The following IQSEC1 variants were observed in gnomAD, a reference collection of about 807,000 sequenced individuals.
IQSEC1 encodes IQ motif and Sec7 domain ArfGEF 1.
IQSEC1 carries 31 observed loss-of-function variants against 91.0 expected under a neutral mutation model. The ratio of observed to expected loss-of-function variants is 0.34; its 90% CI spans 0.26 to 0.46. The LOEUF (loss-of-function observed/expected upper bound fraction) is 0.46, where lower values mean the gene tolerates loss of function less well. IQSEC1 is among the 20% of genes least tolerant of loss of function. The pLI is 1.00. For missense variants in IQSEC1, 1,388 were observed against 1,575.6 expected (o/e 0.88, Z 2.02); for synonymous variants, 699 against 662.6 (o/e 1.05, Z -0.84).
At chr3:13,015,583 C>T (rs1703085842) in intron 1 of IQSEC1, 1 of 985,244 alleles carries the variant, frequency 1.0e-6, no homozygotes, top group South Asian at 4.7e-5. Context: ...CTCACAGTCT[C>T]AAAGTGGAGG....
chr3:13,081,681 T>A (rs1705649189), intron 2 of IQSEC1, among the ~76,000 whole-genome samples: 1 of 152,340 alleles, frequency 6.6e-6, no homozygotes, highest in Non-Finnish European at 1.5e-5. Context: ...AAAACACCAA[T>A]GAACTAATTC....
chr3:13,099,794 C>T (rs1335088356), intron 2 of IQSEC1, among the ~76,000 whole-genome samples: 2 of 152,248 alleles, frequency 1.3e-5, no homozygotes, highest in Non-Finnish European at 2.9e-5. Flanking sequence ...CCCAGCTCCT[C>T]TCTCTGTGAA....
intron 1 of IQSEC1, among the ~76,000 whole-genome samples, chr3:13,232,171 G>A (rs941813731): frequency 6.6e-6 from 1 of 152,206 alleles, no homozygotes; most frequent in Non-Finnish European, 1.5e-5. Context: ...ACGACAAAGG[G>A]AGTTGCGAAG....
At chr3:13,274,326 A>C (rs1695639683) in intron 1 of IQSEC1, among the ~76,000 whole-genome samples, 1 of 152,126 alleles carries the variant, frequency 6.6e-6, no homozygotes, top group African/African-American at 2.4e-5. Flanking sequence ...CAGGGCCAGC[A>C]CTCCACAGGC....
chr3:13,275,049 G>A (rs1695651846), intron 1 of IQSEC1, among the ~76,000 whole-genome samples: 1 of 152,232 alleles, frequency 6.6e-6, no homozygotes, highest in Non-Finnish European at 1.5e-5. Context: ...GAATCCCGCC[G>A]CTGCCACTGG....
chr3:12,962,141 T>C (rs545895636), intron 1 of IQSEC1, among the ~76,000 whole-genome samples: 1 of 152,310 alleles, frequency 6.6e-6, no homozygotes, highest in Admixed American at 6.5e-5. Context: ...TCAGGGCCAG[T>C]TCTGGACAGG....
chr3:13,136,715 G>T (rs989491263), intron 2 of IQSEC1, among the ~76,000 whole-genome samples: 1 of 152,242 alleles, frequency 6.6e-6, no homozygotes, highest in Admixed American at 6.5e-5. Context: ...ATCTTAAAGA[G>T]ATGTGGGTGA....
intron 1 of IQSEC1, among the ~76,000 whole-genome samples, chr3:13,195,808 C>T (rs1279472295): frequency 6.6e-6 from 1 of 152,140 alleles, no homozygotes. Context: ...CCTAAATATA[C>T]CCACAAATGA....
In IQSEC1 at chr3:12,990,720, G is replaced by A. The variant is rs1010885508; in HGVS notation, c.24-48855C>T. On this transcript the variant is annotated intron_variant, in intron 1 of 13. Coordinates refer to ENST00000613206, the MANE Select transcript of IQSEC1 (RefSeq NM_001134382.3). ...AAACTGCTGGGGCTCTGGGGCAACC[G>A]AGCAACGCTGAAAGGACAATCAATG... 5.9e-5 allele frequency among the ~76,000 whole-genome samples: 9 copies of A among 152,284 alleles called. No homozygotes were observed. In the South Asian group the frequency reaches 1.2e-3, roughly 21 times the overall value.
chr3:12,943,046 T>C (rs898972422), intron 1 of IQSEC1, among the ~76,000 whole-genome samples: 2 of 152,244 alleles, frequency 1.3e-5, no homozygotes, highest in African/African-American at 2.4e-5. Context: ...CATACATTGC[T>C]GTATATACAT....
chr3:13,223,611 C>T (rs1250893743), intron 1 of IQSEC1, among the ~76,000 whole-genome samples: 4 of 152,220 alleles, frequency 2.6e-5, no homozygotes, highest in African/African-American at 4.8e-5. Context: ...TCCTCGCGCG[C>T]CCACCTTCCC....
intron 1 of IQSEC1, among the ~76,000 whole-genome samples, chr3:13,037,310 C>T (rs934689830): frequency 2.6e-5 from 4 of 152,092 alleles, no homozygotes; most frequent in African/African-American, 7.2e-5. Flanking sequence ...CATAAATGCC[C>T]GCAGCCAAGC....
intron 1 of IQSEC1, among the ~76,000 whole-genome samples, chr3:13,190,199 G>A (rs1693998262): frequency 6.6e-6 from 1 of 152,144 alleles, no homozygotes; most frequent in African/African-American, 2.4e-5. Flanking sequence ...CCTGCAGGAA[G>A]GAACCCCAAG....
intron 12 of IQSEC1, among the ~76,000 whole-genome samples, chr3:12,906,720 G>A (rs1018817369): frequency 6.6e-6 from 1 of 152,252 alleles, no homozygotes; most frequent in Non-Finnish European, 1.5e-5. Context: ...CCAAGCTCTG[G>A]CAGAGGGTGG....
chr3:13,090,397 T>C (rs1057075089), intron 2 of IQSEC1, among the ~76,000 whole-genome samples: 2 of 152,140 alleles, frequency 1.3e-5, no homozygotes, highest in African/African-American at 4.8e-5. Flanking sequence ...GTGAAATGAG[T>C]GACTGAATGA....
intron 1 of IQSEC1, among the ~76,000 whole-genome samples, chr3:12,988,610 G>A (rs1296699456): frequency 6.6e-6 from 1 of 152,250 alleles, no homozygotes. Context: ...TCCATAGGTG[G>A]TACGACAGGA....
chr3:13,266,046 G>A (rs1195242474), intron 1 of IQSEC1, among the ~76,000 whole-genome samples: 1 of 151,340 alleles, frequency 6.6e-6, no homozygotes, highest in Admixed American at 6.6e-5. Flanking sequence ...CACCTGAAAT[G>A]ATCATGACCG....
chr3:13,109,595 G>A (rs559634532), intron 2 of IQSEC1, among the ~76,000 whole-genome samples: 6 of 152,164 alleles, frequency 3.9e-5, no homozygotes, highest in South Asian at 2.1e-4. Context: ...CTGTCTTCCT[G>A]ATAGTGAGTT....
intron 1 of IQSEC1, among the ~76,000 whole-genome samples, chr3:13,164,540 G>A (rs186187595): frequency 2.6e-4 from 39 of 152,298 alleles, no homozygotes; most frequent in Non-Finnish European, 5.3e-4. Flanking sequence ...AGAGCGGTGC[G>A]ACTGGCCTCA....
Sources: allele counts gnomAD v4.1 joint callset (sites outside exome capture counted in the v4.1 genomes callset), GRCh38; gene constraint gnomAD v4.1.1; transcripts MANE v1.5; gene names NCBI Gene and HGNC (gene_info 2026-07-23, HGNC 2026-07-21).